Variants in SHTN1 observed in about 807,000 individuals in gnomAD.
The protein encoded by SHTN1 is shootin 1.
SHTN1 carries 42 observed loss-of-function variants against 83.1 expected under a neutral mutation model. The observed-to-expected ratio is 0.51, with a 90% CI of 0.39 to 0.65. The LOEUF is 0.65. SHTN1 is among the 30% of genes least tolerant of loss of function. The probability of loss-of-function intolerance (pLI) is 0.00; values close to 1 mark genes in which losing one functional copy is unlikely to be tolerated. For synonymous variants in SHTN1, 224 were observed against 247.7 expected, an observed-to-expected ratio of 0.90 and a Z score of 0.90; for missense variants, 622 against 737.8, an observed-to-expected ratio of 0.84 and a Z score of 1.82.
chr10:116,909,718 T>G (rs761138887), intron 14 of SHTN1, among the ~76,000 whole-genome samples: 7 of 152,236 alleles, frequency 4.6e-5, no homozygotes, highest in Non-Finnish European at 1.0e-4. Context: ...GGTTTGAAAC[T>G]CCCCCAAACC....
At chr10:116,972,210 T>C (rs1850642508) in intron 2 of SHTN1, among the ~76,000 whole-genome samples, 1 of 152,222 alleles carries the variant, frequency 6.6e-6, no homozygotes, top group African/African-American at 2.4e-5. Context: ...ATGGTTATCA[T>C]CAGCAGATTC....
At chr10:117,022,179 T>C (rs952659097) in intron 2 of SHTN1, among the ~76,000 whole-genome samples, 1 of 152,176 alleles carries the variant, frequency 6.6e-6, no homozygotes, top group Non-Finnish European at 1.5e-5. Flanking sequence ...AATAAAATAC[T>C]AATCAAAAAT....
At position 117,055,538 on chromosome 10, in the gene SHTN1, T is replaced by TTA. The variant is rs1161463816; in HGVS notation, c.-188-7029_-188-7028insTA. Reference sequence around the variant, plus strand: ...GATAGTGGTGCTTGTTGCACAACACTGTGAGTGTACTAAATGCTACTGAAA... The same window carrying TTA: ...GATAGTGGTGCTTGTTGCACAACACTTAGTGAGTGTACTAAATGCTACTGAAA... On this transcript the variant is annotated intron_variant, in intron 1 of 17. Transcript: ENST00000392901. 2.3e-3 allele frequency among the ~76,000 whole-genome samples: 343 copies of TTA among 152,152 alleles called. 1 individual carries two copies. The highest frequency in any genetic ancestry group is 7.9e-3 in the African/African-American group (327 of 41,516).
At chr10:116,992,136 T>G (rs1589877431) in intron 1 of SHTN1, among the ~76,000 whole-genome samples, 1 of 152,094 alleles carries the variant, frequency 6.6e-6, no homozygotes, top group African/African-American at 2.4e-5. Context: ...AGTGAGATGC[T>G]GTCTCAAAAA....
At chr10:116,923,612 AG>A (rs1016500181) in intron 11 of SHTN1, among the ~76,000 whole-genome samples, 4 of 151,956 alleles carry the variant, frequency 2.6e-5, no homozygotes, top group Admixed American at 2.6e-4. Flanking sequence ...CTGGAGTACA[AG>A]GGCACAGTCA....
At chr10:117,086,213 C>T (rs1425219917) in intron 1 of SHTN1, among the ~76,000 whole-genome samples, 2 of 152,138 alleles carry the variant, frequency 1.3e-5, no homozygotes, top group African/African-American at 4.8e-5. Context: ...CCACCGCGTC[C>T]ATCATGAGCC....
At chr10:117,111,483 G>A (rs1035506953) in intron 1 of SHTN1, among the ~76,000 whole-genome samples, 11 of 151,686 alleles carry the variant, frequency 7.3e-5, no homozygotes, top group South Asian at 2.1e-4. Context: ...TAGTAGAGAC[G>A]GGGTTTCACC....
At chr10:116,893,575 T>TGC (rs1170951721) in intron 16 of SHTN1, among the ~76,000 whole-genome samples, 1 of 736 alleles carries the variant, frequency 1.4e-3, no homozygotes, top group South Asian at 0.023. Context: ...GGCACTCATG[T>TGC]GCACACACAC....
In SHTN1 at chr10:116,905,636, C is replaced by T. The variant is rs145914694; in HGVS notation, c.1480+991G>A. On this transcript the variant is annotated intron_variant, in intron 15 of 16. Transcript: ENST00000355371. The stretch of plus-strand genomic sequence containing the variant: ...GAGAACTTGATGATCAAAAACCCAT[C>T]TTTAATATTCTTGCTACTTAAATTT... Among the ~76,000 whole-genome samples, 1,062 of 152,256 alleles carry T rather than the reference C, an allele frequency of 7.0e-3. 18 individuals are homozygous for T. The highest frequency in any genetic ancestry group is 0.025 in the African/African-American group (1,026 of 41,548).
chr10:116,981,873 A>G (rs1313265100), intron 1 of SHTN1, among the ~76,000 whole-genome samples: 3 of 152,142 alleles, frequency 2.0e-5, no homozygotes, highest in Admixed American at 2.0e-4. Context: ...CCTGACCAAC[A>G]TGGTGAAACA....
intron 3 of SHTN1, among the ~76,000 whole-genome samples, chr10:116,961,320 T>C (rs538364608): frequency 6.6e-6 from 1 of 152,208 alleles, no homozygotes; most frequent in African/African-American, 2.4e-5. Context: ...TGTCCAAAGT[T>C]CTTATTATGT....
chr10:117,121,669 G>T (rs1853930694), intron 1 of SHTN1, among the ~76,000 whole-genome samples: 1 of 152,114 alleles, frequency 6.6e-6, no homozygotes. Flanking sequence ...CCCCATCAGA[G>T]GATGTCCAAG....
intron 1 of SHTN1, among the ~76,000 whole-genome samples, chr10:117,061,020 A>G (rs1222611090): frequency 1.3e-5 from 2 of 152,222 alleles, no homozygotes; most frequent in African/African-American, 4.8e-5. Context: ...AGAAACAACA[A>G]CACATTTTTA....
rs577880952 is a variant in SHTN1, at chr10:117,003,901, A to T, written c.58+1121T>A. 2.9e-3 allele frequency among the ~76,000 whole-genome samples: 437 copies of T among 150,708 alleles called. 2 individuals carry two copies. The highest frequency in any genetic ancestry group is 0.023 in the South Asian group (107 of 4,748). On this transcript the variant is annotated intron_variant, in intron 1 of 16. Transcript: ENST00000355371. Reference sequence around the variant, plus strand: ...TATTTCTTTATTATTTATTATTATTATTTTTTTTTGGAGATGGAGTTTCGT... The same window carrying T: ...TATTTCTTTATTATTTATTATTATTTTTTTTTTTTGGAGATGGAGTTTCGT...
In SHTN1 at chr10:116,884,348, A is replaced by C. The variant is rs78534932; in HGVS notation, c.*1996T>G. On this transcript the variant is annotated 3_prime_UTR_variant, in exon 17 of 17. Coordinates refer to ENST00000355371, the MANE Select transcript of SHTN1 (RefSeq NM_001127211.3). ...AGAAAAAGGTGAGTGAATATCTTCC[A>C]TCAAATACCTTCATGTCAAATTAAT... 0.019 allele frequency: 8,142 copies of C among 433,772 alleles called. 125 individuals are homozygous for C. Among genetic ancestry groups the C allele is most frequent in the Non-Finnish European group, 0.028 (5,793 of 210,604 alleles). 26.9% of individuals were successfully genotyped at this position (433,772 alleles called of 1,614,324 possible). A position where few individuals can be genotyped will look rare whatever the true frequency, so the allele number is the denominator to read the frequency against.
chr10:116,977,534 T>C (rs1013169487), intron 2 of SHTN1, among the ~76,000 whole-genome samples: 2 of 152,198 alleles, frequency 1.3e-5, no homozygotes, highest in African/African-American at 4.8e-5. Context: ...TTTTGGGGCA[T>C]CAGGGGCCCA....
chr10:117,056,524 T>C (rs1852828138), intron 1 of SHTN1, among the ~76,000 whole-genome samples: 1 of 152,112 alleles, frequency 6.6e-6, no homozygotes, highest in South Asian at 2.1e-4. Context: ...TGATAAGAAC[T>C]CTTGGCTGGG....
chr10:117,014,477 C>CA (rs2133558696), intron 2 of SHTN1, among the ~76,000 whole-genome samples: 1 of 152,252 alleles, frequency 6.6e-6, no homozygotes, highest in South Asian at 2.1e-4. Flanking sequence ...AGGCTGAAGA[C>CA]AAAAGGAACC....
At chr10:117,083,103 G>A (rs1329134230) in intron 1 of SHTN1, among the ~76,000 whole-genome samples, 2 of 150,382 alleles carry the variant, frequency 1.3e-5, no homozygotes, top group African/African-American at 4.9e-5. Flanking sequence ...TATTTTGCTC[G>A]TTAGTTGATG....
Sources: gnomAD v4.1 joint callset for allele counts (sites outside exome capture counted in the v4.1 genomes callset) on GRCh38, gnomAD v4.1.1 for gene constraint, MANE v1.5 for transcripts, NCBI Gene and HGNC (gene_info 2026-07-23, HGNC 2026-07-21) for gene names.